Variants in HMGXB3 observed in about 807,000 individuals in gnomAD.
HMGXB3 encodes HMG domain-containing protein 3.
A neutral mutation model predicts 121.5 loss-of-function variants in HMGXB3; 45 were observed. The observed-to-expected ratio is 0.37, with a 90% confidence interval of 0.29 to 0.47. The LOEUF (loss-of-function observed/expected upper bound fraction) is 0.47. HMGXB3 is among the 20% of genes least tolerant of loss of function. HMGXB3 has a pLI of 0.99. For missense variants in HMGXB3, 1,376 were observed against 1,602.2 expected (o/e 0.86, Z 2.41); for synonymous variants, 590 against 624.1 (o/e 0.95, Z 0.81).
At chr5:150,035,448 T>TG (rs1756480305) in intron 11 of HMGXB3, among the ~76,000 whole-genome samples, 1 of 152,146 alleles carries the variant, frequency 6.6e-6, no homozygotes, top group African/African-American at 2.4e-5. Context: ...CCTCCAACGT[T>TG]GGGGATCACA....
intron 11 of HMGXB3, among the ~76,000 whole-genome samples, chr5:150,032,966 T>C (rs1315678363): frequency 1.3e-5 from 2 of 152,160 alleles, no homozygotes; most frequent in Non-Finnish European, 2.9e-5. Flanking sequence ...TTTCGGTAAA[T>C]AGAGAATGCC....
Position 150,041,885 on chromosome 5 carries a change from GATCTGTGGC to G in HMGXB3, c.2655_2663del (p.Ile886_Gly888del). On this transcript the variant is annotated inframe_deletion, in exon 15 of 20. Transcript: ENST00000502717. Reference sequence around the variant, plus strand: ...TCACTGTCCGAGACTACAATGACATGATCTGTGGCATCTGTGGTGTGGCCCCCAAAGTGG... The same window carrying G: ...TCACTGTCCGAGACTACAATGACATGATCTGTGGTGTGGCCCCCAAAGTGG... The G allele has an allele frequency of 6.4e-7, 1 of 1,551,744 alleles. No homozygotes were observed. The highest frequency in any genetic ancestry group is 8.7e-7 in the Non-Finnish European group (1 of 1,146,988).
chr5:150,004,518 A>G (rs1755652055), intron 1 of HMGXB3, among the ~76,000 whole-genome samples: 1 of 152,176 alleles, frequency 6.6e-6, no homozygotes, highest in South Asian at 2.1e-4. Context: ...TTTGTGTTAA[A>G]GGGGTGGGTG....
chr5:150,035,532 A>G (rs17110845), intron 11 of HMGXB3, among the ~76,000 whole-genome samples: 25,584 of 152,216 alleles, frequency 0.17, 2,674 homozygotes, highest in Admixed American at 0.27. Context: ...AGAGCCATGT[A>G]TAATATGTCC....
chr5:150,007,896 A>G (rs899190566), intron 3 of HMGXB3, among the ~76,000 whole-genome samples: 1 of 152,082 alleles, frequency 6.6e-6, no homozygotes, highest in African/African-American at 2.4e-5. Flanking sequence ...CTCTACAAAA[A>G]ATAGGAAAAG....
At chr5:150,008,055 TCACACACACACACACACA>T (rs70973560) in intron 3 of HMGXB3, among the ~76,000 whole-genome samples, 18 of 130,024 alleles carry the variant, frequency 1.4e-4, no homozygotes, top group Non-Finnish European at 2.0e-4. Flanking sequence ...AGACTCTGTT[TCACACACACACACACACA>T]CACACACACA....
At chr5:150,041,491 G>A (rs1413189312) in intron 14 of HMGXB3, among the ~76,000 whole-genome samples, 1 of 152,170 alleles carries the variant, frequency 6.6e-6, no homozygotes, top group South Asian at 2.1e-4. Context: ...ATAGCTCCTC[G>A]TTCATAAAGA....
chr5:150,019,546 C>T (rs769337817), intron 6 of HMGXB3, among the ~76,000 whole-genome samples: 14 of 152,132 alleles, frequency 9.2e-5, no homozygotes, highest in African/African-American at 1.2e-4. Context: ...TGAAACTATA[C>T]ATTTTAAGGG....
Position 150,026,783 on chromosome 5 carries a change from C to T in HMGXB3, c.1538C>T (p.Ala513Val), listed in dbSNP as rs1022008194. Residue 513 changes from alanine (A) to valine (V), a missense_variant, in exon 8 of 20, where the codon GCA (alanine) becomes GTA (valine). Ala to Val is a moderately conservative substitution (Grantham distance 64). Coordinates refer to ENST00000502717, the MANE Select transcript of HMGXB3 (RefSeq NM_014983.3). Reference sequence around the variant, plus strand: ...CGGGGCAAGCCCTCATTACTGGCTGCAGCAAGACCCATGAGAGCAATTTTG... The same window carrying T: ...CGGGGCAAGCCCTCATTACTGGCTGTAGCAAGACCCATGAGAGCAATTTTG... ...RARGKPSLLA[A>V]ARPMRAILPA... 6 of 1,550,276 alleles carry T rather than the reference C, an allele frequency of 3.9e-6. No individual in the cohort carries two copies. The highest frequency in any genetic ancestry group is 5.2e-6 in the Non-Finnish European group (6 of 1,146,502).
chr5:150,002,152 C>T (rs1353835212), intron 1 of HMGXB3, among the ~76,000 whole-genome samples: 1 of 152,114 alleles, frequency 6.6e-6, no homozygotes, highest in Non-Finnish European at 1.5e-5. Context: ...TAGGAAGAAC[C>T]TAAGGAATAA....
chr5:150,012,478 T>G (rs1755863060), intron 5 of HMGXB3, 125 bp downstream of exon 5: 6 of 698,884 alleles, frequency 8.6e-6, no homozygotes, highest in East Asian at 2.8e-5. Context: ...CTAAAAGTCT[T>G]AGAACCTCAG....
chr5:150,040,146 T>A (rs942830274), intron 13 of HMGXB3, among the ~76,000 whole-genome samples: 1 of 152,140 alleles, frequency 6.6e-6, no homozygotes, highest in Non-Finnish European at 1.5e-5. Context: ...TCCTTTTTTT[T>A]ATTGGGGGAA....
intron 13 of HMGXB3, among the ~76,000 whole-genome samples, chr5:150,038,305 CTT>C (rs948442559): frequency 2.6e-5 from 4 of 152,100 alleles, no homozygotes; most frequent in Non-Finnish European, 4.4e-5. Context: ...CTTAATGGTG[CTT>C]TATTTTGAAT....
intron 3 of HMGXB3, among the ~76,000 whole-genome samples, chr5:150,006,917 G>GC (rs1430177802): frequency 6.6e-6 from 1 of 152,110 alleles, no homozygotes; most frequent in Admixed American, 6.5e-5. Flanking sequence ...GTAACTTGGA[G>GC]CCCCTCATAG....
At chr5:150,028,501 ATGTATGTGTGTGTGTGTGTG>A (rs1756291258) in intron 9 of HMGXB3, among the ~76,000 whole-genome samples, 2 of 96,842 alleles carry the variant, frequency 2.1e-5, no homozygotes, top group South Asian at 3.7e-4. Context: ...ATATATATGT[ATGTATGTGTGTGTGTGTGTG>A]TGTGTGTGTG....
At chr5:150,050,167 C>T in intron 18 of HMGXB3, 85 bp from the exon 19 acceptor site, 1 of 1,203,702 alleles carries the variant, frequency 8.3e-7, no homozygotes, top group Non-Finnish European at 1.2e-6. Context: ...TGCTCATCTT[C>T]CTGGGAAGAA....
intron 13 of HMGXB3, among the ~76,000 whole-genome samples, chr5:150,039,551 A>T (rs1756577942): frequency 6.6e-6 from 1 of 152,054 alleles, no homozygotes. Flanking sequence ...TCTTTGTAGT[A>T]GGTAGAGTAT....
In HMGXB3 at chr5:150,010,363, G is replaced by A. The variant is rs1382647183; in HGVS notation, c.565G>A (p.Ala189Thr). 1.3e-6 allele frequency: 2 copies of A among 1,551,664 alleles called. No homozygotes were observed. The highest frequency in any genetic ancestry group is 1.7e-6 in the Non-Finnish European group (2 of 1,146,982). ...GCAGTGCCTGGCTGTGGAGGCCCTG[G>A]CTGAGGAGGTGGGAGCCCTTACCCA... ...AEQCLAVEAL[A>T]EEVGALTQSG... The change falls in exon 4 of 20, where the codon GCT becomes ACT. Residue 189 changes from alanine to threonine, a missense_variant. Transcript: ENST00000502717.
At chr5:150,015,528 A>G (rs973927560) in intron 5 of HMGXB3, among the ~76,000 whole-genome samples, 34 of 152,146 alleles carry the variant, frequency 2.2e-4, no homozygotes, top group African/African-American at 7.2e-4. Flanking sequence ...GGCTCAAGCA[A>G]TCCTCCTGCC....
Sources: gnomAD v4.1 joint callset for allele counts (sites outside exome capture counted in the v4.1 genomes callset) on GRCh38, gnomAD v4.1.1 for gene constraint, MANE v1.5 for transcripts, NCBI Gene and HGNC (gene_info 2026-07-23, HGNC 2026-07-21) for gene names.